LRRC4C: variants seen among roughly 807,000 people sequenced by gnomAD.
The protein encoded by LRRC4C is leucine-rich repeat-containing protein 4C.
Under a neutral mutation model 33.6 loss-of-function variants are expected in LRRC4C, and 5 were observed. The ratio of observed to expected loss-of-function variants is 0.15; its 90% CI spans 0.08 to 0.31. LRRC4C has a LOEUF of 0.31. Among genes scored for constraint, LRRC4C ranks in the 10% least tolerant of loss-of-function variants. LRRC4C has a pLI of 1.00. For synonymous variants in LRRC4C, 329 were observed against 302.0 expected, an observed-to-expected ratio of 1.09 and a Z score of -0.93; for missense variants, 560 against 796.7, an observed-to-expected ratio of 0.70 and a Z score of 3.58.
At chr11:41,445,865 C>CGTGTGTGTGTGTGTGTGTGTGTGTGTGT (rs748457357) in intron 1 of LRRC4C, among the ~76,000 whole-genome samples, 1 of 135,450 alleles carries the variant, frequency 7.4e-6, no homozygotes, top group Non-Finnish European at 1.6e-5. Flanking sequence ...TGAGTGACTG[C>CGTGTGTGTGTGTGTGTGTGTGTGTGTGT]ATGTGTGTGT....
At chr11:41,048,481 T>G (rs1017441943) in intron 1 of LRRC4C, among the ~76,000 whole-genome samples, 5 of 152,028 alleles carry the variant, frequency 3.3e-5, no homozygotes, top group Non-Finnish European at 7.4e-5. Flanking sequence ...GCCAAGATAG[T>G]CTTGATCTCC....
chr11:40,542,023 C>CCTTTCTCTTTATCTTT lies in LRRC4C; in HGVS notation c.-270+106118_-270+106119insAAAGATAAAGAGAAAG, dbSNP rs1163990208. 6.1e-3 allele frequency among the ~76,000 whole-genome samples: 927 copies of CCTTTCTCTTTATCTTT among 150,858 alleles called. 6 individuals are homozygous for CCTTTCTCTTTATCTTT. Among genetic ancestry groups the CCTTTCTCTTTATCTTT allele is most frequent in the Non-Finnish European group, 9.1e-3 (616 of 67,658 alleles). The stretch of plus-strand genomic sequence containing the variant: ...TTGACCCTATCTTTCTTCTTCCTTT[C>CCTTTCTCTTTATCTTT]CTTTCTCTTTCTCTTTCTTTCTCTT... On this transcript the variant is annotated intron_variant, in intron 3 of 6. Transcript: ENST00000528697.
At chr11:40,518,262 G>T (rs775022079) in intron 3 of LRRC4C, among the ~76,000 whole-genome samples, 1 of 152,046 alleles carries the variant, frequency 6.6e-6, no homozygotes, top group African/African-American at 2.4e-5. Context: ...TGACAAATGG[G>T]ATCTAATTAA....
chr11:41,197,773 T>C (rs1018840250), intron 1 of LRRC4C, among the ~76,000 whole-genome samples: 1 of 151,960 alleles, frequency 6.6e-6, no homozygotes, highest in African/African-American at 2.4e-5. Flanking sequence ...GGAAATAACA[T>C]TGTCATTTTG....
At chr11:40,531,600 T>C (rs1956274788) in intron 3 of LRRC4C, among the ~76,000 whole-genome samples, 1 of 152,176 alleles carries the variant, frequency 6.6e-6, no homozygotes, top group Non-Finnish European at 1.5e-5. Context: ...ACTCTTTCAA[T>C]TCAGTAAATA....
intron 3 of LRRC4C, among the ~76,000 whole-genome samples, chr11:40,380,202 G>A (rs1948811598): frequency 6.6e-6 from 1 of 152,158 alleles, no homozygotes; most frequent in South Asian, 2.1e-4. Flanking sequence ...GAGTTTTAAG[G>A]AAAACAAGTG....
rs907800129 is a variant in LRRC4C at position 41,235,838 on chromosome 11, C to A, written c.-496+223593G>T. Among the ~76,000 whole-genome samples, 3 of 152,184 alleles carry A rather than the reference C, an allele frequency of 2.0e-5. No homozygotes were observed. The South Asian group carries it at 6.2e-4, about 32-fold the overall frequency. On this transcript the variant is annotated intron_variant, in intron 1 of 6. Transcript: ENST00000528697. ...GAGTTCTTACATATTCAAGTGGCAT[C>A]TTTTATACTTTCAATTCAGCCTCCT...
intron 1 of LRRC4C, among the ~76,000 whole-genome samples, chr11:41,377,372 A>G (rs1952975325): frequency 6.6e-6 from 1 of 152,174 alleles, no homozygotes. Context: ...GACCAGTACA[A>G]AATGTATTTC....
chr11:40,271,846 CT>C (rs1942725126), intron 4 of LRRC4C, among the ~76,000 whole-genome samples: 1 of 152,176 alleles, frequency 6.6e-6, no homozygotes, highest in South Asian at 2.1e-4. Context: ...ACATTTTATT[CT>C]ATCATGTCCT....
intron 1 of LRRC4C, among the ~76,000 whole-genome samples, chr11:41,257,616 C>T (rs577104857): frequency 6.6e-6 from 1 of 152,170 alleles, no homozygotes; most frequent in South Asian, 2.1e-4. Flanking sequence ...TTCTTCCTAC[C>T]ATTTCCTGCC....
chr11:40,829,602 A>G (rs890561657), intron 2 of LRRC4C, among the ~76,000 whole-genome samples: 1 of 152,046 alleles, frequency 6.6e-6, no homozygotes, highest in African/African-American at 2.4e-5. Flanking sequence ...TCATTTTGCC[A>G]AAGGTGCCAA....
intron 2 of LRRC4C, among the ~76,000 whole-genome samples, chr11:40,658,591 G>A (rs546158011): frequency 3.9e-5 from 6 of 152,270 alleles, no homozygotes; most frequent in Admixed American, 1.3e-4. Flanking sequence ...TGTGGCAATC[G>A]TTGACTGGTG....
intron 1 of LRRC4C, among the ~76,000 whole-genome samples, chr11:41,074,983 C>T (rs1390037667): frequency 2.0e-5 from 3 of 148,808 alleles, no homozygotes; most frequent in Non-Finnish European, 4.5e-5. Flanking sequence ...GTATTTAAGT[C>T]TCACCCCATC....
At chr11:40,792,177 T>C (rs1950648812) in intron 2 of LRRC4C, among the ~76,000 whole-genome samples, 1 of 152,106 alleles carries the variant, frequency 6.6e-6, no homozygotes, top group Non-Finnish European at 1.5e-5. Context: ...AATTTGATAT[T>C]GAAGAAAATA....
chr11:40,301,560 C>T (rs1372828558), intron 4 of LRRC4C, among the ~76,000 whole-genome samples: 1 of 152,172 alleles, frequency 6.6e-6, no homozygotes, highest in Admixed American at 6.5e-5. Context: ...TTAGCATCAG[C>T]CATGCAGTGC....
intron 3 of LRRC4C, among the ~76,000 whole-genome samples, chr11:40,323,983 A>G (rs1027992250): frequency 6.6e-6 from 1 of 152,196 alleles, no homozygotes; most frequent in Non-Finnish European, 1.5e-5. Flanking sequence ...AGTCGGCGGG[A>G]AGATCCTATA....
At chr11:40,910,907 C>T (rs1163509615) in intron 2 of LRRC4C, among the ~76,000 whole-genome samples, 1 of 152,232 alleles carries the variant, frequency 6.6e-6, no homozygotes, top group Non-Finnish European at 1.5e-5. Context: ...ATATCCCATG[C>T]CTGGCTTGGA....
chr11:40,324,576 G>C (rs1268853232), intron 3 of LRRC4C, among the ~76,000 whole-genome samples: 1 of 152,210 alleles, frequency 6.6e-6, no homozygotes, highest in Non-Finnish European at 1.5e-5. Flanking sequence ...CTATGCACCA[G>C]GGATAGTATT....
intron 1 of LRRC4C, among the ~76,000 whole-genome samples, chr11:41,279,328 G>T (rs1949580753): frequency 6.7e-6 from 1 of 148,204 alleles, no homozygotes; most frequent in African/African-American, 2.5e-5. Context: ...TTTCTGAGAG[G>T]CTACAAGAAT....
Sources: gnomAD v4.1 joint callset for allele counts (sites outside exome capture counted in the v4.1 genomes callset) on GRCh38, gnomAD v4.1.1 for gene constraint, MANE v1.5 for transcripts, NCBI Gene and HGNC (gene_info 2026-07-23, HGNC 2026-07-21) for gene names.